MYO1D: variants seen among roughly 807,000 people sequenced by gnomAD.
MYO1D encodes the protein myosin ID, also known as unconventional myosin-Id.
A neutral mutation model predicts 122.0 loss-of-function variants in MYO1D; 83 were observed. That is an observed-to-expected ratio of 0.68 (90% CI 0.57 to 0.82). MYO1D has a LOEUF of 0.82. Ranked by LOEUF, MYO1D falls within the 40% of genes least tolerant of loss-of-function variation. The probability of loss-of-function intolerance (pLI) is 0.00; values close to 1 mark genes in which losing one functional copy is unlikely to be tolerated. For missense variants in MYO1D, 1,157 were observed against 1,269.5 expected, an observed-to-expected ratio of 0.91 and a Z score of 1.35; for synonymous variants, 464 against 446.9, an observed-to-expected ratio of 1.04 and a Z score of -0.48.
chr17:32,778,439 A>C (rs772398227), intron 3 of MYO1D, 41 bp downstream of exon 3: 2 of 1,574,132 alleles, frequency 1.3e-6, no homozygotes, highest in Non-Finnish European at 1.7e-6. Context: ...TAGAGAAAAC[A>C]GAGTGCTAAG....
chr17:32,687,630 A>C (rs1188196854), intron 16 of MYO1D, among the ~76,000 whole-genome samples: 1 of 152,218 alleles, frequency 6.6e-6, no homozygotes, highest in Non-Finnish European at 1.5e-5. Context: ...GGCGTGAGCC[A>C]CTGTGCCTGG....
rs186627944 is a variant in MYO1D at position 32,739,499 on chromosome 17, G to C, written c.1614-1114C>G. Among the ~76,000 whole-genome samples the C allele has an allele frequency of 2.5e-3, 322 of 127,934 alleles. 2 individuals are homozygous for C. The highest frequency in any genetic ancestry group is 7.7e-3 in the African/African-American group (266 of 34,420). The allele number at this position is 127,934 out of a possible 152,430, so 83.9% of individuals were successfully genotyped here. A position where few individuals can be genotyped will look rare whatever the true frequency, so the allele number is the denominator to read the frequency against. On this transcript the variant is annotated intron_variant, in intron 13 of 21. Coordinates refer to ENST00000318217, the MANE Select transcript of MYO1D (RefSeq NM_015194.3). ...CACACACCAAGGCCTGTCATGGGGTGGGGGGAGGGGGAGAGATAGCATTAG... is the reference window on the plus strand; with the variant it reads ...CACACACCAAGGCCTGTCATGGGGTCGGGGGAGGGGGAGAGATAGCATTAG...
intron 21 of MYO1D, among the ~76,000 whole-genome samples, chr17:32,533,070 A>T (rs1229604367): frequency 6.6e-6 from 1 of 152,000 alleles, no homozygotes; most frequent in Non-Finnish European, 1.5e-5. Context: ...CTCTTTTACC[A>T]TTCCTTTTGT....
chr17:32,628,570 G>A (rs1481868202), intron 20 of MYO1D, among the ~76,000 whole-genome samples: 1 of 152,172 alleles, frequency 6.6e-6, no homozygotes, highest in African/African-American at 2.4e-5. Flanking sequence ...TGAAGATCAA[G>A]CTTTGTCTCC....
rs537366503 is a variant in MYO1D at position 32,649,163 on chromosome 17, T to A, written c.2595+4680A>T. ...GTTTCTGTTTAAGTAGCCAATTGTG[T>A]TTTTTCATTTAAAAAATTCGGTAAA... On this transcript the variant is annotated intron_variant, in intron 19 of 21. Transcript: ENST00000318217. 1.7e-4 allele frequency among the ~76,000 whole-genome samples: 26 copies of A among 152,342 alleles called. No individual in the cohort carries two copies. The East Asian group carries it at 4.6e-3, about 27-fold the overall frequency.
At chr17:32,644,926 C>T (rs970588737) in intron 19 of MYO1D, among the ~76,000 whole-genome samples, 7 of 152,098 alleles carry the variant, frequency 4.6e-5, no homozygotes, top group Non-Finnish European at 8.8e-5. Flanking sequence ...AAGGTTAATA[C>T]TGTTATGTGT....
intron 1 of MYO1D, among the ~76,000 whole-genome samples, chr17:32,804,660 T>C (rs1298975217): frequency 6.6e-6 from 1 of 152,184 alleles, no homozygotes; most frequent in African/African-American, 2.4e-5. Flanking sequence ...CTATCTAGTA[T>C]TTTAAATGCT....
At chr17:32,698,822 C>T (rs2150979178) in intron 16 of MYO1D, among the ~76,000 whole-genome samples, 1 of 151,980 alleles carries the variant, frequency 6.6e-6, no homozygotes, top group East Asian at 1.9e-4. Flanking sequence ...GATAAGGGAG[C>T]TAAAGCCATA....
chr17:32,563,312 C>A (rs1213988479), intron 21 of MYO1D, among the ~76,000 whole-genome samples: 1 of 149,446 alleles, frequency 6.7e-6, no homozygotes, highest in African/African-American at 2.5e-5. Context: ...CGGGTTCCAG[C>A]GATTCTTTTG....
chr17:32,789,298 A>T (rs1158894813), intron 1 of MYO1D, among the ~76,000 whole-genome samples: 1 of 152,082 alleles, frequency 6.6e-6, no homozygotes, highest in Admixed American at 6.5e-5. Context: ...GACTTCTAGT[A>T]CTATGTTGAA....
At chr17:32,807,683 G>T (rs2151047884) in intron 1 of MYO1D, among the ~76,000 whole-genome samples, 1 of 152,306 alleles carries the variant, frequency 6.6e-6, no homozygotes, top group African/African-American at 2.4e-5. Flanking sequence ...ATGCTTTGGT[G>T]ACTGAGGAAC....
chr17:32,571,364 CAAG>C (rs1265033695), intron 21 of MYO1D, among the ~76,000 whole-genome samples: 1 of 152,162 alleles, frequency 6.6e-6, no homozygotes, highest in Non-Finnish European at 1.5e-5. Flanking sequence ...TGGAAGTTTC[CAAG>C]CATCTGTTCC....
intron 21 of MYO1D, chr17:32,523,566 C>G (rs1910231497): frequency 6.6e-6 from 1 of 152,164 alleles, no homozygotes; most frequent in Non-Finnish European, 1.5e-5. Context: ...CATTCAGTCT[C>G]ATGACAAAAC....
At chr17:32,839,431 A>T (rs1334001584) in intron 1 of MYO1D, among the ~76,000 whole-genome samples, 2 of 152,210 alleles carry the variant, frequency 1.3e-5, no homozygotes, top group Non-Finnish European at 2.9e-5. Context: ...CTGCCAGAGA[A>T]TTTAAGTGCT....
rs1364023599 is a variant in MYO1D, at chr17:32,780,721, C to T, written c.159G>A (p.Lys53=). 1.2e-6 allele frequency: 2 copies of T among 1,614,136 alleles called. No homozygotes were observed. Among genetic ancestry groups the T allele is most frequent in the Non-Finnish European group, 1.7e-6 (2 of 1,180,020 alleles). Reference sequence around the variant, plus strand: ...TGTCTCTTCCATAGATGTTCAACAACTTGTAAGGGTTCACAGAAACGACGA... The same window carrying T: ...TGTCTCTTCCATAGATGTTCAACAATTTGTAAGGGTTCACAGAAACGACGA... ...GEVVVSVNPY[K]LLNIYGRDTI... The change falls in exon 2 of 22, where the codon AAG becomes AAA. Residue 53 remains lysine (K), a synonymous_variant. Transcript: ENST00000318217.
At chr17:32,850,877 T>C (rs2090980285) in intron 1 of MYO1D, among the ~76,000 whole-genome samples, 1 of 152,148 alleles carries the variant, frequency 6.6e-6, no homozygotes, top group Non-Finnish European at 1.5e-5. Flanking sequence ...TATGAGAGAA[T>C]AAACCTCCCT....
chr17:32,761,473 C>T (rs546448424), intron 8 of MYO1D, among the ~76,000 whole-genome samples: 9 of 152,238 alleles, frequency 5.9e-5, no homozygotes, highest in South Asian at 2.1e-4. Context: ...CTCTGGATTT[C>T]GGATAATAGC....
intron 8 of MYO1D, among the ~76,000 whole-genome samples, chr17:32,762,206 C>T (rs1435961533): frequency 6.6e-6 from 1 of 151,772 alleles, no homozygotes; most frequent in East Asian, 1.9e-4. Flanking sequence ...TGTGCACAGG[C>T]CCTGTGACTG....
chr17:32,597,728 CA>C (rs1200220265), intron 21 of MYO1D, among the ~76,000 whole-genome samples: 2 of 151,512 alleles, frequency 1.3e-5, no homozygotes, highest in East Asian at 3.9e-4. Context: ...AAAAATTAGC[CA>C]TGTTGGCAGG....
Sources: gnomAD v4.1 joint callset for allele counts (sites outside exome capture counted in the v4.1 genomes callset) on GRCh38, gnomAD v4.1.1 for gene constraint, MANE v1.5 for transcripts, NCBI Gene and HGNC (gene_info 2026-07-23, HGNC 2026-07-21) for gene names.